The following EPHB1 variants were observed in gnomAD, a reference collection of about 807,000 sequenced individuals.
EPHB1 encodes EPH receptor B1, also known as ephrin type-B receptor 1.
Under a neutral mutation model 94.4 loss-of-function variants are expected in EPHB1, and 30 were observed. The observed-to-expected ratio is 0.32, with a 90% CI of 0.24 to 0.43. EPHB1 has a LOEUF of 0.43. Ranked by LOEUF, EPHB1 falls within the 20% of genes least tolerant of loss-of-function variation. The pLI, the probability that EPHB1 is intolerant of heterozygous loss-of-function variation, is 1.00. For synonymous variants in EPHB1, 522 were observed against 489.1 expected (o/e 1.07, Z -0.89); for missense variants, 1,055 against 1,308.3 (o/e 0.81, Z 2.99).
At chr3:134,836,666 G>A (rs1191715472) in intron 1 of EPHB1, among the ~76,000 whole-genome samples, 1 of 152,124 alleles carries the variant, frequency 6.6e-6, no homozygotes, top group African/African-American at 2.4e-5. Flanking sequence ...TTTAACAAAT[G>A]CACTGTTAGT....
In EPHB1 at chr3:134,895,435, C is replaced by T. The variant is rs1355759385; in HGVS notation, c.59-30381C>T. ...GTGAGTGGCTATCCTTCCAACATCACGCAGAGAGAAGATGAGCTGGGAGAG... is the reference window on the plus strand; with the variant it reads ...GTGAGTGGCTATCCTTCCAACATCATGCAGAGAGAAGATGAGCTGGGAGAG... On this transcript the variant is annotated intron_variant, in intron 1 of 15. Coordinates refer to ENST00000398015, the MANE Select transcript of EPHB1 (RefSeq NM_004441.5). 4.6e-5 allele frequency among the ~76,000 whole-genome samples: 7 copies of T among 152,146 alleles called. No individual in the cohort carries two copies. The East Asian group carries it at 1.2e-3, about 25-fold the overall frequency.
At chr3:134,877,673 A>G (rs760945895) in intron 1 of EPHB1, among the ~76,000 whole-genome samples, 8 of 152,320 alleles carry the variant, frequency 5.3e-5, no homozygotes, top group Non-Finnish European at 7.4e-5. Context: ...GTTGTTCCCT[A>G]TAACACCTTC....
intron 1 of EPHB1, among the ~76,000 whole-genome samples, chr3:134,810,490 G>A (rs575632999): frequency 2.0e-5 from 3 of 152,092 alleles, no homozygotes; most frequent in South Asian, 2.1e-4. Flanking sequence ...TGAGAACAAC[G>A]CTCATTCTAC....
chr3:135,149,099 G>A (rs1206941668), intron 5 of EPHB1, among the ~76,000 whole-genome samples: 1 of 152,206 alleles, frequency 6.6e-6, no homozygotes, highest in African/African-American at 2.4e-5. Context: ...ACCGGGCACT[G>A]CCTCTTTAGA....
intron 12 of EPHB1, among the ~76,000 whole-genome samples, chr3:135,229,934 G>T (rs1290781914): frequency 6.6e-6 from 1 of 152,164 alleles, no homozygotes. Context: ...AGGTGGAATG[G>T]CATCATGGCC....
intron 3 of EPHB1, among the ~76,000 whole-genome samples, chr3:134,972,174 G>A (rs1351308724): frequency 6.6e-6 from 1 of 151,928 alleles, no homozygotes; most frequent in Non-Finnish European, 1.5e-5. Context: ...GCTCCTCTAA[G>A]AGAAGAGGCA....
At chr3:134,885,737 A>T (rs892897074) in intron 1 of EPHB1, among the ~76,000 whole-genome samples, 3 of 152,204 alleles carry the variant, frequency 2.0e-5, no homozygotes, top group African/African-American at 7.2e-5. Context: ...GTCTAGGCAG[A>T]GCTCCGGACT....
At chr3:134,840,573 A>T (rs542662128) in intron 1 of EPHB1, 31 of 152,342 alleles carry the variant, frequency 2.0e-4, no homozygotes, top group African/African-American at 7.5e-4. Flanking sequence ...CTCAGTGCCC[A>T]TACCTAATTA....
chr3:135,104,046 C>A (rs1187563213), intron 3 of EPHB1, among the ~76,000 whole-genome samples: 1 of 152,222 alleles, frequency 6.6e-6, no homozygotes, highest in Non-Finnish European at 1.5e-5. Flanking sequence ...TGGACTGGTA[C>A]ATTAAGAAAA....
At chr3:134,862,329 G>A (rs7639520) in intron 1 of EPHB1, among the ~76,000 whole-genome samples, 83,044 of 151,788 alleles carry the variant, frequency 0.55, 25,553 homozygotes, top group East Asian at 0.8. Flanking sequence ...AAAGAGGTTA[G>A]CGTACTCCAT....
At chr3:135,247,833 T>C (rs1479994340) in intron 13 of EPHB1, among the ~76,000 whole-genome samples, 2 of 152,194 alleles carry the variant, frequency 1.3e-5, no homozygotes, top group African/African-American at 4.8e-5. Flanking sequence ...TGCTAATCCC[T>C]TTCCTCCCTT....
In EPHB1 at chr3:134,849,531, G is replaced by A. The variant is rs964323148; in HGVS notation, c.58+53842G>A. ...CCTGGGAAGAGGGTGTTTGGCTTAC[G>A]AGCATTTGCAGTTGAGATGGAGGTG... On this transcript the variant is annotated intron_variant, in intron 1 of 15. Coordinates refer to ENST00000398015, the MANE Select transcript of EPHB1 (RefSeq NM_004441.5). 3.3e-5 allele frequency among the ~76,000 whole-genome samples: 5 copies of A among 152,146 alleles called. No individual in the cohort carries two copies. The South Asian group carries it at 8.3e-4, about 25-fold the overall frequency.
intron 3 of EPHB1, among the ~76,000 whole-genome samples, chr3:135,011,110 A>G (rs1935604737): frequency 6.6e-6 from 1 of 152,176 alleles, no homozygotes; most frequent in Non-Finnish European, 1.5e-5. Flanking sequence ...ATGGGGTTGC[A>G]GGGGCAACCT....
At chr3:134,871,667 T>A (rs1299599854) in intron 1 of EPHB1, among the ~76,000 whole-genome samples, 1 of 152,178 alleles carries the variant, frequency 6.6e-6, no homozygotes, top group African/African-American at 2.4e-5. Context: ...TTAAATACCA[T>A]CTAGACACTG....
At chr3:134,876,767 T>C (rs1288399388) in intron 1 of EPHB1, among the ~76,000 whole-genome samples, 2 of 152,106 alleles carry the variant, frequency 1.3e-5, no homozygotes, top group Admixed American at 1.3e-4. Flanking sequence ...GGACTGAAAG[T>C]GGGAGAGAGT....
intron 3 of EPHB1, among the ~76,000 whole-genome samples, chr3:135,094,220 G>T (rs1315630590): frequency 6.6e-6 from 1 of 152,236 alleles, no homozygotes; most frequent in Non-Finnish European, 1.5e-5. Context: ...TCTGGCTGCT[G>T]TGAACCTGCT....
chr3:134,850,961 C>T (rs537162769), intron 1 of EPHB1, among the ~76,000 whole-genome samples: 1 of 152,364 alleles, frequency 6.6e-6, no homozygotes, highest in East Asian at 1.9e-4. Context: ...AATTGCATCA[C>T]AATGGAAGGA....
intron 2 of EPHB1, among the ~76,000 whole-genome samples, chr3:134,936,460 G>A (rs1014793375): frequency 6.6e-6 from 1 of 152,158 alleles, no homozygotes; most frequent in Admixed American, 6.5e-5. Flanking sequence ...CCTAGGTCCT[G>A]ACAAGTGTTC....
intron 3 of EPHB1, among the ~76,000 whole-genome samples, chr3:134,969,778 G>C (rs1431624333): frequency 6.6e-6 from 1 of 152,082 alleles, no homozygotes; most frequent in African/African-American, 2.4e-5. Flanking sequence ...TATCCCACTG[G>C]AGTCTGCTGG....
Sources: allele counts gnomAD v4.1 joint callset (sites outside exome capture counted in the v4.1 genomes callset), GRCh38; gene constraint gnomAD v4.1.1; transcripts MANE v1.5; gene names NCBI Gene and HGNC (gene_info 2026-07-23, HGNC 2026-07-21).